The following NRXN1 variants were observed in gnomAD, a reference collection of about 807,000 sequenced individuals.
NRXN1 encodes neurexin-1.
NRXN1 carries 39 observed loss-of-function variants against 150.9 expected under a neutral mutation model. The observed-to-expected ratio is 0.26, with a 90% CI of 0.20 to 0.34. The LOEUF (loss-of-function observed/expected upper bound fraction) is 0.34. Among genes scored for constraint, NRXN1 ranks in the 10% least tolerant of loss-of-function variants. The pLI is 1.00. For missense variants in NRXN1, 1,815 were observed against 1,949.9 expected, an observed-to-expected ratio of 0.93 and a Z score of 1.30; for synonymous variants, 924 against 757.0, an observed-to-expected ratio of 1.22 and a Z score of -3.62.
At chr2:51,024,408 C>T (rs1189759984) in intron 2 of NRXN1, among the ~76,000 whole-genome samples, 4 of 151,950 alleles carry the variant, frequency 2.6e-5, no homozygotes, top group East Asian at 1.9e-4. Context: ...AATCTCAACC[C>T]GAATGAACTG....
At chr2:50,799,328 A>C (rs1009518456) in intron 5 of NRXN1, among the ~76,000 whole-genome samples, 1 of 152,164 alleles carries the variant, frequency 6.6e-6, no homozygotes, top group African/African-American at 2.4e-5. Flanking sequence ...ACAACAATTT[A>C]ATTCCTATAC....
chr2:50,492,497 T>C (rs2091309785), intron 15 of NRXN1, among the ~76,000 whole-genome samples: 1 of 152,176 alleles, frequency 6.6e-6, no homozygotes, highest in African/African-American at 2.4e-5. Context: ...CCTGTTCCTA[T>C]AATGAAACAG....
At chr2:50,145,611 C>A (rs1391719426) in intron 18 of NRXN1, among the ~76,000 whole-genome samples, 1 of 151,562 alleles carries the variant, frequency 6.6e-6, no homozygotes, top group South Asian at 2.1e-4. Flanking sequence ...GGAAGAGATT[C>A]CTTATTTTTT....
At chr2:50,643,821 C>T (rs1051131825) in intron 5 of NRXN1, among the ~76,000 whole-genome samples, 2 of 151,756 alleles carry the variant, frequency 1.3e-5, no homozygotes, top group South Asian at 4.1e-4. Flanking sequence ...TGGTATCATG[C>T]TGGTAACTTC....
chr2:50,452,498 G>A (rs1349718508), intron 17 of NRXN1, among the ~76,000 whole-genome samples: 4 of 152,100 alleles, frequency 2.6e-5, no homozygotes, highest in Admixed American at 1.3e-4. Context: ...CACATACTGG[G>A]ATTACAGCCG....
chr2:50,277,503 C>G (rs1256404567), intron 17 of NRXN1, among the ~76,000 whole-genome samples: 1 of 99,262 alleles, frequency 1.0e-5, no homozygotes, highest in Non-Finnish European at 2.1e-5. Flanking sequence ...CTTCTTTTTC[C>G]TTCCTTCCTT....
intron 18 of NRXN1, among the ~76,000 whole-genome samples, chr2:50,147,662 T>C (rs1654521237): frequency 1.3e-5 from 2 of 151,694 alleles, no homozygotes; most frequent in African/African-American, 4.8e-5. Flanking sequence ...ACCATTCTAG[T>C]GATAAGACAT....
chr2:50,663,326 T>C (rs889336848), intron 5 of NRXN1, among the ~76,000 whole-genome samples: 1 of 152,030 alleles, frequency 6.6e-6, no homozygotes, highest in African/African-American at 2.4e-5. Context: ...AGAGGATTCT[T>C]GGTTCTTCTG....
chr2:50,818,192 G>GTTTT (rs369379043), intron 5 of NRXN1, among the ~76,000 whole-genome samples: 11,991 of 135,734 alleles, frequency 0.088, 570 homozygotes, highest in Admixed American at 0.096. Context: ...AAAAACAATT[G>GTTTT]TTTTTTTTTT....
chr2:50,538,441 T>C lies in NRXN1; in HGVS notation c.1955A>G (p.Gln652Arg), dbSNP rs1470579817. ...AGCCATTTGCCGGATATCTTTGCTT[T>C]GGCCATCGATGAACAAATCCCTGAT... ...GCIRDLFIDG[Q>R]SKDIRQMAEV... The change falls in exon 10 of 23, where the codon CAA becomes CGA. Residue 652 changes from glutamine (Q) to arginine (R), a missense_variant. Physicochemically the swap from Gln to Arg is conservative, Grantham distance 43 (BLOSUM62 1). Coordinates refer to ENST00000401669, the MANE Select transcript of NRXN1 (RefSeq NM_001330078.2). 1.9e-6 allele frequency: 3 copies of C among 1,613,994 alleles called. No individual in the cohort carries two copies. Among genetic ancestry groups the C allele is most frequent in the Non-Finnish European group, 2.5e-6 (3 of 1,179,884 alleles).
intron 18 of NRXN1, among the ~76,000 whole-genome samples, chr2:50,154,164 A>G (rs2058869185): frequency 6.6e-6 from 1 of 151,718 alleles, no homozygotes; most frequent in South Asian, 2.1e-4. Flanking sequence ...AGATCTTCCC[A>G]GACTCCTCTT....
chr2:50,506,766 G>A (rs1264122937), intron 12 of NRXN1, 149 bp from the exon 13 acceptor site: 7 of 762,628 alleles, frequency 9.2e-6, no homozygotes, highest in Non-Finnish European at 1.4e-5. Context: ...AGGAGGGAGA[G>A]AAAGGAAACA....
chr2:50,505,527 G>T (rs552102892), intron 13 of NRXN1, among the ~76,000 whole-genome samples: 147 of 152,262 alleles, frequency 9.7e-4, no homozygotes, highest in Non-Finnish European at 2.0e-3. Context: ...TGTCCAAACT[G>T]TGGATGCTGA....
intron 5 of NRXN1, among the ~76,000 whole-genome samples, chr2:50,789,856 T>A (rs1013841642): frequency 1.3e-5 from 2 of 152,148 alleles, no homozygotes; most frequent in African/African-American, 4.8e-5. Flanking sequence ...AGAAGGATCA[T>A]TTTTAAACCT....
At chr2:50,130,802 C>T (rs901801631) in intron 18 of NRXN1, among the ~76,000 whole-genome samples, 2 of 152,140 alleles carry the variant, frequency 1.3e-5, no homozygotes, top group Non-Finnish European at 2.9e-5. Flanking sequence ...TGAAGTAGTT[C>T]GGAAATCCTG....
intron 21 of NRXN1, among the ~76,000 whole-genome samples, chr2:50,025,785 A>C (rs772241287): frequency 2.0e-5 from 3 of 152,224 alleles, no homozygotes; most frequent in Non-Finnish European, 2.9e-5. Context: ...TAAGCAGGTT[A>C]AGTGGCTTGA....
intron 10 of NRXN1, among the ~76,000 whole-genome samples, chr2:50,537,257 T>C (rs1373546586): frequency 2.0e-5 from 3 of 152,158 alleles, no homozygotes; most frequent in Non-Finnish European, 4.4e-5. Flanking sequence ...TTAGGCTAAA[T>C]ATGTAATAAA....
intron 5 of NRXN1, among the ~76,000 whole-genome samples, chr2:50,785,098 C>T (rs574510873): frequency 4.6e-5 from 7 of 152,064 alleles, no homozygotes; most frequent in African/African-American, 1.7e-4. Context: ...AGCTTTCTCT[C>T]TCTGAGGACA....
intron 2 of NRXN1, among the ~76,000 whole-genome samples, chr2:50,946,958 A>G (rs1690491822): frequency 6.6e-6 from 1 of 152,188 alleles, no homozygotes; most frequent in Non-Finnish European, 1.5e-5. Flanking sequence ...TTTCCTATAT[A>G]TGTGGCTTTC....
Sources: allele counts gnomAD v4.1 joint callset (sites outside exome capture counted in the v4.1 genomes callset), GRCh38; gene constraint gnomAD v4.1.1; transcripts MANE v1.5; gene names NCBI Gene and HGNC (gene_info 2026-07-23, HGNC 2026-07-21).